ABHD12: variants seen among roughly 807,000 people sequenced by gnomAD.
ABHD12 encodes lysophosphatidylserine lipase ABHD12.
Under a neutral mutation model 58.3 loss-of-function variants are expected in ABHD12, and 43 were observed. The observed-to-expected ratio is 0.74, with a 90% CI of 0.58 to 0.95. The LOEUF (loss-of-function observed/expected upper bound fraction) is 0.95, where lower values mean the gene tolerates loss of function less well. ABHD12 is among the 40% of genes least tolerant of loss of function. The probability of loss-of-function intolerance (pLI) is 0.00; values close to 1 mark genes in which losing one functional copy is unlikely to be tolerated. For missense variants in ABHD12, 539 were observed against 537.2 expected (o/e 1.00, Z -0.03); for synonymous variants, 219 against 211.2 (o/e 1.04, Z -0.32).
intron 1 of ABHD12, among the ~76,000 whole-genome samples, chr20:25,344,577 C>T (rs2089494729): frequency 6.6e-6 from 1 of 152,150 alleles, no homozygotes; most frequent in African/African-American, 2.4e-5. Context: ...CCAATATTGT[C>T]AATATGTCAG....
chr20:25,356,090 T>A (rs926390603), intron 1 of ABHD12, among the ~76,000 whole-genome samples: 1 of 152,240 alleles, frequency 6.6e-6, no homozygotes, highest in Non-Finnish European at 1.5e-5. Flanking sequence ...TTTCTATTGA[T>A]GCAGTTTCTG....
At position 25,300,843 on chromosome 20, in the gene ABHD12, G is replaced by C. The variant is rs1276375815; in HGVS notation, c.*2C>G. On this transcript the variant is annotated 3_prime_UTR_variant, in exon 13 of 13. Transcript: ENST00000339157. The stretch of plus-strand genomic sequence containing the variant: ...CTTCATGCTTCCTTCCCACGGCCAG[G>C]CTCAGTGCTGGTGCTCAGGCTCCGA... 5.6e-6 allele frequency: 9 copies of C among 1,613,966 alleles called. No individual in the cohort carries two copies. The highest frequency in any genetic ancestry group is 7.6e-6 in the Non-Finnish European group (9 of 1,180,006).
At chr20:25,298,263 A>AGTT (rs2088581614), downstream of ABHD12, among the ~76,000 whole-genome samples, 1 of 121,588 alleles carries the variant, frequency 8.2e-6, no homozygotes, top group Non-Finnish European at 1.8e-5. Flanking sequence ...CTGAACGGCT[A>AGTT]GTTTTGTTTT....
At chr20:25,354,562 G>C (rs2089643650) in intron 1 of ABHD12, among the ~76,000 whole-genome samples, 1 of 152,178 alleles carries the variant, frequency 6.6e-6, no homozygotes, top group Non-Finnish European at 1.5e-5. Flanking sequence ...TTGTGTACAA[G>C]ATGCACTGTC....
At chr20:25,350,838 T>C (rs571259816) in intron 1 of ABHD12, among the ~76,000 whole-genome samples, 31 of 152,254 alleles carry the variant, frequency 2.0e-4, no homozygotes, top group African/African-American at 7.2e-4. Context: ...GACAGTCAGC[T>C]GCCACAAACC....
intron 3 of ABHD12, among the ~76,000 whole-genome samples, chr20:25,321,684 A>G (rs921373531): frequency 2.9e-4 from 44 of 152,350 alleles, no homozygotes; most frequent in African/African-American, 1.0e-3. Context: ...TCACCACCAT[A>G]AACACCCTCC....
chr20:25,379,170 G>C (rs927453183), intron 1 of ABHD12, among the ~76,000 whole-genome samples: 6 of 152,178 alleles, frequency 3.9e-5, no homozygotes, highest in African/African-American at 7.2e-5. Flanking sequence ...GCTTCCCAGA[G>C]CAGGGGAGCA....
chr20:25,331,502 G>T (rs905325428), intron 2 of ABHD12, among the ~76,000 whole-genome samples: 3 of 151,950 alleles, frequency 2.0e-5, no homozygotes, highest in African/African-American at 7.3e-5. Flanking sequence ...ACACATAATT[G>T]TCAGATTCAC....
chr20:25,337,902 C>G (rs1005639411), intron 2 of ABHD12, among the ~76,000 whole-genome samples: 3 of 152,132 alleles, frequency 2.0e-5, no homozygotes, highest in South Asian at 4.1e-4. Context: ...TGAAAAATTC[C>G]TAGAAGTTCT....
intron 3 of ABHD12, among the ~76,000 whole-genome samples, 164 bp from the exon 4 acceptor site, chr20:25,320,482 C>T (rs2145971443): frequency 6.6e-6 from 1 of 152,314 alleles, no homozygotes; most frequent in Admixed American, 6.5e-5. Context: ...AGAAAACTAT[C>T]CCCATCACTA....
At chr20:25,315,265 TGCAGGGCAGCCTCTGGGGC>T (rs2088939144) in intron 5 of ABHD12, among the ~76,000 whole-genome samples, 1 of 151,950 alleles carries the variant, frequency 6.6e-6, no homozygotes, top group Non-Finnish European at 1.5e-5. Flanking sequence ...CCACTCGTGC[TGCAGGGCAGCCTCTGGGGC>T]GGCCTCCTCT....
chr20:25,332,475 C>T lies in ABHD12; in HGVS notation c.316+6752G>A, dbSNP rs943763796. On this transcript the variant is annotated intron_variant, in intron 2 of 12. Coordinates refer to ENST00000339157, the MANE Select transcript of ABHD12 (RefSeq NM_001042472.3). ...GAAGACCTAATAGACATCTACAGAACTCTCCACCCCAAATCAACAGAATAT... is the reference window on the plus strand; with the variant it reads ...GAAGACCTAATAGACATCTACAGAATTCTCCACCCCAAATCAACAGAATAT... Among the ~76,000 whole-genome samples, 207 of 151,802 alleles carry T rather than the reference C, an allele frequency of 1.4e-3. 2 individuals carry two copies. Among genetic ancestry groups the T allele is most frequent in the African/African-American group, 4.7e-3 (194 of 41,500 alleles).
At chr20:25,365,092 C>T (rs895574014) in intron 1 of ABHD12, among the ~76,000 whole-genome samples, 1 of 152,204 alleles carries the variant, frequency 6.6e-6, no homozygotes, top group African/African-American at 2.4e-5. Context: ...GGTACAGCAC[C>T]AAGTGTTATC....
chr20:25,346,393 A>G (rs1042597755), intron 1 of ABHD12, among the ~76,000 whole-genome samples: 1 of 152,220 alleles, frequency 6.6e-6, no homozygotes, highest in Non-Finnish European at 1.5e-5. Context: ...ACAATGGTAA[A>G]TAAGTATTAT....
At chr20:25,330,279 G>C (rs537424314) in intron 2 of ABHD12, among the ~76,000 whole-genome samples, 8 of 152,384 alleles carry the variant, frequency 5.2e-5, no homozygotes, top group Admixed American at 5.2e-4. Flanking sequence ...GGCACAACAG[G>C]AGATTATATC....
rs555970737 is a variant in ABHD12, at chr20:25,382,921, G to A, written c.191+7592C>T. 9.2e-5 allele frequency among the ~76,000 whole-genome samples: 14 copies of A among 152,096 alleles called. No individual in the cohort carries two copies. The South Asian group carries it at 2.5e-3, about 27-fold the overall frequency. ...ATAAGGTACACTGAGTTAGGAAGAG[G>A]AAAACCAGTACCAGTTGAGGGGGGG... On this transcript the variant is annotated intron_variant, in intron 1 of 12. Coordinates refer to ENST00000339157, the MANE Select transcript of ABHD12 (RefSeq NM_001042472.3).
At chr20:25,308,281 G>T (rs2088783043) in intron 8 of ABHD12, among the ~76,000 whole-genome samples, 176 bp downstream of exon 8, 1 of 152,214 alleles carries the variant, frequency 6.6e-6, no homozygotes, top group South Asian at 2.1e-4. Context: ...ACCTGTGTGT[G>T]TGAGGCTCCC....
In ABHD12 at chr20:25,308,467, G is replaced by A. The variant is rs1568715206; in HGVS notation, c.777C>T (p.Leu259=). 1 of 1,611,808 alleles carries A rather than the reference G, an allele frequency of 6.2e-7. No homozygotes were observed. ...CAACAAGGCACTCACCTCGCTCACA[G>A]AGGCGCCGCACCAGATTTGTCGCCA... ...TGVATNLVRR[L]CERETPPDAL... Residue 259 remains leucine (L), a synonymous_variant, in exon 8 of 13, where the codon CTC becomes CTT. Coordinates refer to ENST00000339157, the MANE Select transcript of ABHD12 (RefSeq NM_001042472.3).
intron 1 of ABHD12, among the ~76,000 whole-genome samples, chr20:25,377,242 G>A (rs2089972158): frequency 6.6e-6 from 1 of 152,180 alleles, no homozygotes; most frequent in Admixed American, 6.5e-5. Flanking sequence ...CCTTGTCAAG[G>A]TGTCCTGTGT....
Sources: allele counts gnomAD v4.1 joint callset (sites outside exome capture counted in the v4.1 genomes callset), GRCh38; gene constraint gnomAD v4.1.1; transcripts MANE v1.5; gene names NCBI Gene and HGNC (gene_info 2026-07-23, HGNC 2026-07-21).